The following FAT3 variants were observed in gnomAD, a reference collection of about 807,000 sequenced individuals.
FAT3 encodes protocadherin Fat 3.
Under a neutral mutation model 310.2 loss-of-function variants are expected in FAT3, and 95 were observed. The ratio of observed to expected loss-of-function variants is 0.31; its 90% CI spans 0.26 to 0.36. The LOEUF (loss-of-function observed/expected upper bound fraction) is 0.36. FAT3 is among the 10% of genes least tolerant of loss of function. FAT3 has a pLI of 1.00. For missense variants in FAT3, 5,408 were observed against 5,715.6 expected, an observed-to-expected ratio of 0.95 and a Z score of 1.74; for synonymous variants, 2,314 against 2,192.9, an observed-to-expected ratio of 1.06 and a Z score of -1.54.
At chr11:92,882,579 T>TCCCCC (rs370925383) in intron 23 of FAT3, among the ~76,000 whole-genome samples, 159 bp from the exon 24 acceptor site, 860 of 79,552 alleles carry the variant, frequency 0.011, 6 homozygotes, top group Non-Finnish European at 0.013. Flanking sequence ...CTAAATTAAC[T>TCCCCC]CCCCCTCCCC....
chr11:92,612,502 A>C (rs1940612979), intron 3 of FAT3, among the ~76,000 whole-genome samples: 1 of 152,240 alleles, frequency 6.6e-6, no homozygotes, highest in African/African-American at 2.4e-5. Flanking sequence ...ATCTGAATAA[A>C]GCCAGGATTT....
chr11:92,289,084 C>T (rs534295966), intron 1 of FAT3, among the ~76,000 whole-genome samples: 1 of 152,220 alleles, frequency 6.6e-6, no homozygotes, highest in East Asian at 1.9e-4. Context: ...AATGCACAGA[C>T]TTGCAGGGCT....
intron 1 of FAT3, among the ~76,000 whole-genome samples, chr11:92,281,014 C>T (rs921615685): frequency 2.6e-5 from 4 of 152,050 alleles, no homozygotes; most frequent in African/African-American, 9.7e-5. Flanking sequence ...ATGTTTATTG[C>T]TACTACTTAT....
chr11:92,837,554 G>C (rs898776687), intron 16 of FAT3, 109 bp from the exon 17 acceptor site: 1 of 1,335,818 alleles, frequency 7.5e-7, no homozygotes, highest in African/African-American at 1.5e-5. Flanking sequence ...TCAAACTAAA[G>C]ATGGTTGCTC....
chr11:92,292,697 G>A (rs922006), intron 1 of FAT3, among the ~76,000 whole-genome samples: 96,215 of 151,850 alleles, frequency 0.63, 30,936 homozygotes, highest in Admixed American at 0.68. Flanking sequence ...AGTAGGCAGA[G>A]AGAGGATTGA....
rs187745708 is a variant in FAT3 at position 92,526,649 on chromosome 11, A to G, written c.3607+1701A>G. Among the ~76,000 whole-genome samples, 20 of 152,364 alleles carry G rather than the reference A, an allele frequency of 1.3e-4. No homozygotes were observed. The East Asian group carries it at 3.5e-3, about 26-fold the overall frequency. On this transcript the variant is annotated intron_variant, in intron 3 of 27. Coordinates refer to ENST00000525166, the MANE Select transcript of FAT3 (RefSeq NM_001367949.2). The stretch of plus-strand genomic sequence containing the variant: ...AGTTCAGAGAAGAACATGCTCATTC[A>G]TGTAACTAAAGCTTTCTTTTATATG...
At chr11:92,711,458 G>A (rs1212802743) in intron 4 of FAT3, among the ~76,000 whole-genome samples, 1 of 152,114 alleles carries the variant, frequency 6.6e-6, no homozygotes, top group Non-Finnish European at 1.5e-5. Flanking sequence ...TGTAGTGTTG[G>A]TTTGGTGCCC....
intron 4 of FAT3, among the ~76,000 whole-genome samples, chr11:92,736,833 G>C (rs1459792638): frequency 6.6e-6 from 1 of 152,040 alleles, no homozygotes; most frequent in East Asian, 1.9e-4. Context: ...GTCACTTCTA[G>C]GGTGGTCTTT....
chr11:92,727,381 A>C (rs1945031214), intron 4 of FAT3, among the ~76,000 whole-genome samples: 1 of 152,170 alleles, frequency 6.6e-6, no homozygotes, highest in Admixed American at 6.6e-5. Context: ...ACAGCCTGTC[A>C]GGGAAGACAG....
At chr11:92,418,352 A>C (rs1950459750) in intron 2 of FAT3, among the ~76,000 whole-genome samples, 3 of 151,624 alleles carry the variant, frequency 2.0e-5, no homozygotes, top group Non-Finnish European at 1.5e-5. Context: ...AGAAAAAAAT[A>C]CTTTAAAAAA....
chr11:92,674,182 A>AAAT (rs550101493), intron 3 of FAT3, among the ~76,000 whole-genome samples: 15,586 of 140,816 alleles, frequency 0.11, 1,124 homozygotes, highest in African/African-American at 0.2. Flanking sequence ...CTCCATCTCA[A>AAAT]AATAATAATA....
chr11:92,629,829 T>C (rs1056390492), intron 3 of FAT3, among the ~76,000 whole-genome samples: 1 of 152,170 alleles, frequency 6.6e-6, no homozygotes, highest in African/African-American at 2.4e-5. Flanking sequence ...TTGTGCCAAG[T>C]GTCTTGAAAT....
intron 3 of FAT3, among the ~76,000 whole-genome samples, chr11:92,624,051 A>G (rs573750768): frequency 3.3e-5 from 5 of 152,334 alleles, no homozygotes; most frequent in Admixed American, 3.3e-4. Context: ...TACATAGACA[A>G]ACAAAATATG....
intron 19 of FAT3, among the ~76,000 whole-genome samples, chr11:92,848,920 G>A (rs1210718946): frequency 6.6e-6 from 1 of 152,192 alleles, no homozygotes; most frequent in Non-Finnish European, 1.5e-5. Flanking sequence ...CCAAACCAAA[G>A]GGCATGAGAG....
intron 22 of FAT3, 49 bp from the exon 23 acceptor site, chr11:92,880,682 C>A (rs1949653313): frequency 6.3e-7 from 1 of 1,577,364 alleles, no homozygotes. Flanking sequence ...TCCAAGCACT[C>A]AGCCCTAGCA....
rs1227413873 is a variant in FAT3, at chr11:92,799,600, A to T, written c.6587A>T (p.Asn2196Ile). 1.2e-6 allele frequency: 2 copies of T among 1,613,822 alleles called. No homozygotes were observed. The highest frequency in any genetic ancestry group is 1.1e-5 in the South Asian group (1 of 91,048). Residue 2196 changes from asparagine (N) to isoleucine (I), a missense_variant, in exon 10 of 28, where the codon AAT becomes ATT. Transcript: ENST00000525166. Reference sequence around the variant, plus strand: ...AAGCCCTTTTATACAGCATCTGTCAATGAAGACATCAGAATGAACACACCC... The same window carrying T: ...AAGCCCTTTTATACAGCATCTGTCATTGAAGACATCAGAATGAACACACCC... ...FDKPFYTASV[N>I]EDIRMNTPIL...
intron 3 of FAT3, among the ~76,000 whole-genome samples, chr11:92,695,153 C>T (rs1482629443): frequency 1.3e-5 from 2 of 152,138 alleles, no homozygotes; most frequent in Non-Finnish European, 2.9e-5. Flanking sequence ...CAGTGTATTT[C>T]ATTCTTGGGC....
At position 92,801,338 on chromosome 11, in the gene FAT3, C is replaced by T; in HGVS notation, c.8325C>T (p.Thr2775=). ...TTGACAAACGCCTTGACCGTGAAAC[C>T]AGCCCAGCTTTCCACTTTAAAGTAG... is the stretch of plus-strand genomic sequence containing the variant. The part of the protein sequence containing the change: ...IKLDKRLDRE[T]SPAFHFKVAA... The change falls in exon 10 of 28, where the codon ACC becomes ACT. Residue 2775 remains threonine (T), a synonymous_variant. Transcript: ENST00000525166. 1 of 1,613,974 alleles carries T rather than the reference C, an allele frequency of 6.2e-7. No individual in the cohort carries two copies. Among genetic ancestry groups the T allele is most frequent in the Non-Finnish European group, 8.5e-7 (1 of 1,179,876 alleles).
intron 2 of FAT3, among the ~76,000 whole-genome samples, chr11:92,480,021 T>C (rs1952174900): frequency 6.6e-6 from 1 of 152,040 alleles, no homozygotes; most frequent in East Asian, 1.9e-4. Context: ...ATCCCAGCAC[T>C]TTGGGAGGCT....
Sources: allele counts gnomAD v4.1 joint callset (sites outside exome capture counted in the v4.1 genomes callset), GRCh38; gene constraint gnomAD v4.1.1; transcripts MANE v1.5; gene names NCBI Gene and HGNC (gene_info 2026-07-23, HGNC 2026-07-21).